Variants in CEP72 observed in about 807,000 individuals in gnomAD.
The protein encoded by CEP72 is centrosomal protein 72.
A neutral mutation model predicts 65.7 loss-of-function variants in CEP72; 78 were observed. That is an observed-to-expected ratio of 1.19 (90% CI 0.99 to 1.43). The LOEUF (loss-of-function observed/expected upper bound fraction) is 1.43. CEP72 is among the 40% of genes most tolerant of loss of function. CEP72 has a pLI of 0.00. For missense variants in CEP72, 914 were observed against 832.9 expected (o/e 1.10, Z -1.20); for synonymous variants, 358 against 351.7 (o/e 1.02, Z -0.20).
rs1268461468 is a variant in CEP72, at chr5:624,075, C to T, written c.404-396C>T. Among the ~76,000 whole-genome samples, 2 of 152,170 alleles carry T rather than the reference C, an allele frequency of 1.3e-5. No individual in the cohort carries two copies. Among genetic ancestry groups the T allele is most frequent in the African/African-American group, 2.4e-5 (1 of 41,448 alleles). On this transcript the variant is annotated intron_variant, in intron 3 of 11. Transcript: ENST00000264935. The surrounding 1 kb of genome is among the most constrained non-coding windows in gnomAD (Gnocchi z 4.7). ...CGTCCCTGAGGCCCAGCCCTAAGCA[C>T]AGACCCAAAAGGCCTCCTGGAAGTT...
In CEP72 at chr5:633,771, C is replaced by A. The variant is rs1485654805; in HGVS notation, c.515C>A (p.Pro172Gln). ...GATGAGTTTGCTTTTCCTTACAGAC[C>A]ACACCACCCCAGAGCCAAGTGCACC... ...SVPASLKEGR[P>Q]HHPRAKCTEA... The change falls in exon 5 of 12, where the codon CCA (proline) becomes CAA (glutamine). Residue 172 changes from proline to glutamine, a missense_variant and splice_region_variant. Physicochemically the swap from Pro to Gln is moderately conservative, Grantham distance 76. Coordinates refer to ENST00000264935, the MANE Select transcript of CEP72 (RefSeq NM_018140.4). 1 of 1,613,818 alleles carries A rather than the reference C, an allele frequency of 6.2e-7. No homozygotes were observed. The highest frequency in any genetic ancestry group is 8.5e-7 in the Non-Finnish European group (1 of 1,179,960).
intron 1 of CEP72, among the ~76,000 whole-genome samples, chr5:613,638 A>T (rs1036913781): frequency 6.6e-6 from 1 of 152,180 alleles, no homozygotes; most frequent in Non-Finnish European, 1.5e-5. Flanking sequence ...AAGTGCTGGG[A>T]TTACAGGCAT....
At chr5:675,861 C>T in the CEP72 span, 1 of 152,170 alleles carries the variant, frequency 6.6e-6, no homozygotes, top group Non-Finnish European at 1.5e-5. Flanking sequence ...AGGGGCCAGC[C>T]ACAGCCTCCT....
At chr5:640,672 A>G (rs1006016845) in intron 9 of CEP72, 68 bp downstream of exon 9, 6 of 1,506,862 alleles carry the variant, frequency 4.0e-6, no homozygotes, top group African/African-American at 1.4e-5. Flanking sequence ...ACTTCCAGGA[A>G]CGAGGGCAGC....
chr5:643,163 C>T (rs911862170), intron 9 of CEP72: 70 of 972,154 alleles, frequency 7.2e-5, no homozygotes, highest in Non-Finnish European at 8.3e-5. Flanking sequence ...TGTGATTGCT[C>T]CACTGCCCTC....
chr5:636,750 C>G (rs1427845672), intron 6 of CEP72, among the ~76,000 whole-genome samples: 6 of 139,740 alleles, frequency 4.3e-5, no homozygotes, highest in Non-Finnish European at 9.1e-5. Flanking sequence ...GTGGAGGTTG[C>G]AATGAGCCTA....
chr5:644,482 G>T, intron 10 of CEP72, 57 bp downstream of exon 10: 2 of 1,582,638 alleles, frequency 1.3e-6, no homozygotes, highest in East Asian at 4.5e-5. Flanking sequence ...AATGTGCCTA[G>T]GTAGACTTTG....
intron 4 of CEP72, among the ~76,000 whole-genome samples, chr5:628,581 CCCCCTTCTTT>C (rs1561037042): frequency 4.8e-5 from 6 of 125,208 alleles, no homozygotes; most frequent in African/African-American, 8.5e-5. Flanking sequence ...CAGGACCCAG[CCCCCTTCTTT>C]GTGCAGCTTC....
At position 626,056 on chromosome 5, in the gene CEP72, G is replaced by T. The variant is rs1000323680; in HGVS notation, c.512+1477G>T. On this transcript the variant is annotated intron_variant, in intron 4 of 11. Transcript: ENST00000264935. ...GTCTTTTGGGTGGGGGGCAGGGGGG[G>T]GCGGCACAGTGCGCCACTCCTGACA... Among the ~76,000 whole-genome samples, 8 of 151,928 alleles carry T rather than the reference G, an allele frequency of 5.3e-5. No individual in the cohort carries two copies. The South Asian group carries it at 8.3e-4, about 16-fold the overall frequency.
rs1239783420 is a variant in CEP72, at chr5:623,030, T to C, written c.404-1441T>C. Among the ~76,000 whole-genome samples, 2 of 152,178 alleles carry C rather than the reference T, an allele frequency of 1.3e-5. No homozygotes were observed. The highest frequency in any genetic ancestry group is 2.9e-5 in the Non-Finnish European group (2 of 68,034). ...AGAAGGAGCGCAGCCGTCTCCCCTC[T>C]TAGTGTTTCTGTAGAGAAGGAGCGC... On this transcript the variant is annotated intron_variant, in intron 3 of 11. Transcript: ENST00000264935. The surrounding 1 kb of genome is among the most constrained non-coding windows in gnomAD (Gnocchi z 5.3).
chr5:658,063 A>AT (rs1341474748), downstream of CEP72, among the ~76,000 whole-genome samples: 1 of 152,228 alleles, frequency 6.6e-6, no homozygotes, highest in Non-Finnish European at 1.5e-5. Context: ...TAACACACAT[A>AT]ATTTGAATGG....
At chr5:672,476 G>C in the CEP72 span, among the ~76,000 whole-genome samples, 5 of 152,278 alleles carry the variant, frequency 3.3e-5, no homozygotes, top group South Asian at 2.1e-4. Flanking sequence ...AGCCAGCTGA[G>C]ACCGCAGCCC....
intron 11 of CEP72, among the ~76,000 whole-genome samples, chr5:652,043 A>T (rs1739141644): frequency 6.6e-6 from 1 of 152,172 alleles, no homozygotes; most frequent in African/African-American, 2.4e-5. Context: ...GACTGGGCCA[A>T]GAGGAGATGC....
chr5:653,956 C>G (rs913337310), downstream of CEP72, among the ~76,000 whole-genome samples: 91 of 150,488 alleles, frequency 6.0e-4, no homozygotes, highest in African/African-American at 2.0e-3. Flanking sequence ...TGTGCTAGCT[C>G]TGTGTGTGTG....
intron 2 of CEP72, chr5:665,112 C>G (rs1561079383): frequency 1.2e-6 from 2 of 1,610,698 alleles, no homozygotes; most frequent in Non-Finnish European, 1.7e-6. Flanking sequence ...CTACTTGCCC[C>G]CTTGCACCTT....
chr5:648,702 T>C (rs1738627945), intron 11 of CEP72, among the ~76,000 whole-genome samples: 2 of 105,384 alleles, frequency 1.9e-5, no homozygotes, highest in South Asian at 3.1e-4. Context: ...GAGGCGTGAA[T>C]GTGAGGCGTG....
intron 3 of CEP72, among the ~76,000 whole-genome samples, chr5:622,060 C>T (rs1203586875): frequency 1.3e-5 from 2 of 152,246 alleles, no homozygotes; most frequent in African/African-American, 4.8e-5. Context: ...AGGCGTGGGC[C>T]ACTGAGCCTG....
the CEP72 span, among the ~76,000 whole-genome samples, chr5:673,763 C>G: frequency 6.6e-6 from 1 of 152,182 alleles, no homozygotes; most frequent in African/African-American, 2.4e-5. Flanking sequence ...CTTTAGCCCC[C>G]CAAGCGCCTG....
At chr5:672,243 G>A in the CEP72 span, among the ~76,000 whole-genome samples, 6 of 152,110 alleles carry the variant, frequency 3.9e-5, no homozygotes, top group Admixed American at 2.0e-4. Flanking sequence ...AGCCCTCCAC[G>A]CTCGGGGCAA....
Sources: allele counts gnomAD v4.1 joint callset (sites outside exome capture counted in the v4.1 genomes callset), GRCh38; gene constraint gnomAD v4.1.1; non-coding constraint Gnocchi (gnomAD v3.1); transcripts MANE v1.5; gene names NCBI Gene and HGNC (gene_info 2026-07-23, HGNC 2026-07-21).